Variants in COL21A1 observed in about 807,000 individuals in gnomAD.
COL21A1 encodes collagen alpha-1(XXI) chain.
A neutral mutation model predicts 137.9 loss-of-function variants in COL21A1; 149 were observed. That is an observed-to-expected ratio of 1.08 (90% CI 0.95 to 1.24). The LOEUF is 1.24. COL21A1 is among the 50% of genes most tolerant of loss of function. COL21A1 has a pLI of 0.00. For synonymous variants in COL21A1, 456 were observed against 391.5 expected (o/e 1.16, Z -1.95); for missense variants, 1,167 against 1,158.4 (o/e 1.01, Z -0.11).
rs1165468233 is a variant in COL21A1, at chr6:56,303,537, G to T, written c.-39+90434C>A. Among the ~76,000 whole-genome samples, 3 of 152,240 alleles carry T rather than the reference G, an allele frequency of 2.0e-5. No individual in the cohort carries two copies. In the East Asian group the frequency reaches 5.8e-4, roughly 29 times the overall value. On this transcript the variant is annotated intron_variant, in intron 1 of 28. Transcript: ENST00000370819. ...TCATGATTTGACTCTCTGTTTGTCTGTTATGGGTGTATAAGAATGCTTGTG... is the reference window on the plus strand; with the variant it reads ...TCATGATTTGACTCTCTGTTTGTCTTTTATGGGTGTATAAGAATGCTTGTG...
chr6:56,241,238 C>A (rs189319017), intron 1 of COL21A1, among the ~76,000 whole-genome samples: 60 of 152,272 alleles, frequency 3.9e-4, no homozygotes, highest in Non-Finnish European at 7.6e-4. Context: ...TATAAATAGA[C>A]AGAGAGCTTG....
intron 16 of COL21A1, among the ~76,000 whole-genome samples, chr6:56,115,351 G>GTA (rs1771828480): frequency 6.6e-6 from 1 of 151,434 alleles, no homozygotes; most frequent in Non-Finnish European, 1.5e-5. Flanking sequence ...TTGGGAGAAA[G>GTA]TAAGGGAAGA....
intron 1 of COL21A1, among the ~76,000 whole-genome samples, chr6:56,259,379 G>C (rs927647502): frequency 6.6e-6 from 1 of 152,098 alleles, no homozygotes; most frequent in Non-Finnish European, 1.5e-5. Context: ...CCGCACCACT[G>C]GTGCTATCAT....
At chr6:56,287,887 T>C (rs993690167) in intron 1 of COL21A1, among the ~76,000 whole-genome samples, 1 of 151,942 alleles carries the variant, frequency 6.6e-6, no homozygotes, top group African/African-American at 2.4e-5. Context: ...AGCCTATCAT[T>C]GCTGCCTTTG....
intron 1 of COL21A1, among the ~76,000 whole-genome samples, chr6:56,193,146 T>C (rs1310496176): frequency 7.2e-5 from 11 of 151,924 alleles, no homozygotes; most frequent in Non-Finnish European, 7.4e-5. Context: ...GAGGGTAATA[T>C]CACACACCAG....
intron 1 of COL21A1, among the ~76,000 whole-genome samples, chr6:56,330,593 G>A (rs1175463884): frequency 6.6e-6 from 1 of 151,996 alleles, no homozygotes; most frequent in Admixed American, 6.6e-5. Context: ...GGCTTTTAAT[G>A]TACCCATCAC....
chr6:56,307,451 G>A (rs1001405434), intron 1 of COL21A1, among the ~76,000 whole-genome samples: 32 of 152,276 alleles, frequency 2.1e-4, no homozygotes, highest in East Asian at 5.8e-4. Flanking sequence ...CCTCGCTGCC[G>A]CCTTGCAGTT....
chr6:56,321,281 C>T (rs1260068084), intron 1 of COL21A1, among the ~76,000 whole-genome samples: 1 of 152,096 alleles, frequency 6.6e-6, no homozygotes, highest in East Asian at 1.9e-4. Flanking sequence ...TATCTGCCTC[C>T]CAAACAAAGG....
intron 24 of COL21A1, among the ~76,000 whole-genome samples, chr6:56,063,221 G>A (rs13218367): frequency 0.31 from 47,685 of 152,040 alleles, 9,302 homozygotes; most frequent in East Asian, 0.54. Context: ...GAAAAAGTTA[G>A]TGGAAACTTA....
At chr6:56,147,540 G>A (rs996917163) in intron 10 of COL21A1, among the ~76,000 whole-genome samples, 1 of 151,740 alleles carries the variant, frequency 6.6e-6, no homozygotes, top group African/African-American at 2.4e-5. Context: ...AACTCTAATA[G>A]TAGAAACAGG....
At chr6:56,393,807 T>C (rs1237013185) in intron 1 of COL21A1, among the ~76,000 whole-genome samples, 2 of 152,138 alleles carry the variant, frequency 1.3e-5, no homozygotes, top group African/African-American at 4.8e-5. Context: ...ACACTCCTAC[T>C]GGCGGACCTG....
Position 56,057,697 on chromosome 6 carries a change from A to G in COL21A1, c.2834T>C (p.Ile945Thr), listed in dbSNP as rs1172273962. Residue 945 changes from isoleucine (I) to threonine (T), a missense_variant, in exon 30 of 30, where the codon ATT (isoleucine) becomes ACT (threonine). Coordinates refer to ENST00000244728, the MANE Select transcript of COL21A1 (RefSeq NM_030820.4). The stretch of plus-strand genomic sequence containing the variant: ...TTTTCTGAACGGATCTCTTCTGGCA[A>G]TTACACTAAAACATAGTGATGGGTC... ...ICDPSLCFSV[I>T]ARRDPFRKGP... 6 of 1,613,298 alleles carry G rather than the reference A, an allele frequency of 3.7e-6. No individual in the cohort carries two copies. The highest frequency in any genetic ancestry group is 3.3e-5 in the Admixed American group (2 of 59,950).
At chr6:56,176,089 C>T (rs541976608) in intron 3 of COL21A1, among the ~76,000 whole-genome samples, 174 of 152,128 alleles carry the variant, frequency 1.1e-3, no homozygotes, top group Non-Finnish European at 2.3e-3. Flanking sequence ...AAAAGAATAA[C>T]TTTGGACCCT....
intron 1 of COL21A1, among the ~76,000 whole-genome samples, chr6:56,220,394 T>G (rs1355759852): frequency 6.6e-6 from 1 of 152,200 alleles, no homozygotes; most frequent in Non-Finnish European, 1.5e-5. Flanking sequence ...TTAGTCATCA[T>G]TTGGTATTAA....
At chr6:56,277,164 C>T (rs1763685812) in intron 1 of COL21A1, among the ~76,000 whole-genome samples, 2 of 151,928 alleles carry the variant, frequency 1.3e-5, no homozygotes, top group African/African-American at 4.8e-5. Context: ...TTGTTTTATA[C>T]TTTAAGTTCT....
chr6:56,278,017 T>C (rs961986370), intron 1 of COL21A1, among the ~76,000 whole-genome samples: 1 of 152,248 alleles, frequency 6.6e-6, no homozygotes, highest in East Asian at 1.9e-4. Flanking sequence ...AATAATGATA[T>C]TGTTCAAAGT....
chr6:56,261,859 C>A (rs1458783781), intron 1 of COL21A1, among the ~76,000 whole-genome samples: 1 of 152,140 alleles, frequency 6.6e-6, no homozygotes, highest in Non-Finnish European at 1.5e-5. Flanking sequence ...GTCTGCCATT[C>A]ATGTGGAAGA....
chr6:56,130,212 A>ATATATAT (rs1561898504), intron 12 of COL21A1, among the ~76,000 whole-genome samples: 39 of 19,170 alleles, frequency 2.0e-3, no homozygotes, highest in South Asian at 4.6e-3. Context: ...TATATATATA[A>ATATATAT]AATTTCAAAT....
chr6:56,376,146 G>C (rs1477799980), intron 1 of COL21A1, among the ~76,000 whole-genome samples: 1 of 152,226 alleles, frequency 6.6e-6, no homozygotes, highest in Non-Finnish European at 1.5e-5. Flanking sequence ...AGCCACAGGA[G>C]TAGAGGGTTT....
Sources: gnomAD v4.1 joint callset for allele counts (sites outside exome capture counted in the v4.1 genomes callset) on GRCh38, gnomAD v4.1.1 for gene constraint, MANE v1.5 for transcripts, NCBI Gene and HGNC (gene_info 2026-07-23, HGNC 2026-07-21) for gene names.